The following KIAA1217 variants were observed in gnomAD, a reference collection of about 807,000 sequenced individuals.
KIAA1217 encodes KIAA1217.
A neutral mutation model predicts 163.9 loss-of-function variants in KIAA1217; 88 were observed. The ratio of observed to expected loss-of-function variants is 0.54; its 90% CI spans 0.45 to 0.64. KIAA1217 has a LOEUF of 0.64. Among genes scored for constraint, KIAA1217 ranks in the 30% least tolerant of loss-of-function variants. KIAA1217 has a pLI of 0.00. For synonymous variants in KIAA1217, 903 were observed against 923.1 expected (o/e 0.98, Z 0.39); for missense variants, 2,372 against 2,475.0 (o/e 0.96, Z 0.88).
Position 24,490,961 on chromosome 10 carries a change from G to C in KIAA1217, c.1680-3539G>C, listed in dbSNP as rs1014501897. Reference sequence around the variant, plus strand: ...TACCTGGAGTGCATATAGCCCTTTTGTTCTAAAAGCACCCAGACTCTTATC... The same window carrying C: ...TACCTGGAGTGCATATAGCCCTTTTCTTCTAAAAGCACCCAGACTCTTATC... On this transcript the variant is annotated intron_variant, in intron 6 of 20. Transcript: ENST00000376454. Among the ~76,000 whole-genome samples, 2 of 152,176 alleles carry C rather than the reference G, an allele frequency of 1.3e-5. 1 individual carries two copies. The highest frequency in any genetic ancestry group is 4.1e-4 in the South Asian group (2 of 4,832).
intron 1 of KIAA1217, among the ~76,000 whole-genome samples, chr10:23,804,475 C>A (rs894273383): frequency 1.3e-5 from 2 of 152,302 alleles, no homozygotes; most frequent in Non-Finnish European, 1.5e-5. Flanking sequence ...ACCTAACAAC[C>A]AGAGATTCTG....
intron 1 of KIAA1217, among the ~76,000 whole-genome samples, chr10:23,807,081 C>G (rs895140378): frequency 2.0e-5 from 3 of 152,214 alleles, no homozygotes; most frequent in Non-Finnish European, 4.4e-5. Context: ...GGGAGCTAAG[C>G]TCTGAGGATT....
At chr10:24,308,074 A>G (rs1473526186) in intron 2 of KIAA1217, among the ~76,000 whole-genome samples, 8 of 152,184 alleles carry the variant, frequency 5.3e-5, no homozygotes, top group Admixed American at 5.2e-4. Flanking sequence ...CAATAAACCA[A>G]TTTAACTTAT....
chr10:23,956,165 T>C (rs1844548634), intron 1 of KIAA1217, among the ~76,000 whole-genome samples: 1 of 152,210 alleles, frequency 6.6e-6, no homozygotes, highest in South Asian at 2.1e-4. Context: ...GAACACTCTC[T>C]AATGGCCTTC....
chr10:24,003,525 T>A (rs972419376), intron 1 of KIAA1217, among the ~76,000 whole-genome samples: 7 of 152,194 alleles, frequency 4.6e-5, no homozygotes, highest in African/African-American at 1.7e-4. Flanking sequence ...ATCAACTGTT[T>A]CACATTTGAT....
intron 5 of KIAA1217, among the ~76,000 whole-genome samples, chr10:24,460,291 C>A (rs61855857): frequency 0.075 from 11,460 of 152,154 alleles, 478 homozygotes; most frequent in South Asian, 0.12. Context: ...CAATTCCTAG[C>A]CTTACACGTG....
At chr10:24,500,120 T>C (rs1040224709) in intron 8 of KIAA1217, among the ~76,000 whole-genome samples, 11 of 152,028 alleles carry the variant, frequency 7.2e-5, no homozygotes, top group African/African-American at 2.7e-4. Flanking sequence ...TGGCCAGCAG[T>C]GCTCTGTCCT....
At chr10:23,732,434 C>T (rs966693223) in intron 1 of KIAA1217, among the ~76,000 whole-genome samples, 10 of 151,994 alleles carry the variant, frequency 6.6e-5, no homozygotes, top group African/African-American at 2.4e-4. Context: ...TGTATAACAA[C>T]TCTTTACATA....
In KIAA1217 at chr10:24,473,830, G is replaced by C; in HGVS notation, c.1449G>C (p.Met483Ile). ...ASPHRVSDLR[M>I]IDMHAHYNAH... ...CTCACAGAGTCAGTGACCTGAGGAT[G>C]ATAGACATGCACGCTCACTATAATG... is the stretch of plus-strand genomic sequence containing the variant. Residue 483 changes from methionine to isoleucine, a missense_variant, in exon 6 of 21, where the codon ATG (methionine) becomes ATC (isoleucine). By Grantham distance (10) the Met-to-Ile change is conservative. Coordinates refer to ENST00000376454, the MANE Select transcript of KIAA1217 (RefSeq NM_019590.5). The C allele has an allele frequency of 3.7e-6, 6 of 1,614,138 alleles. No homozygotes were observed. The highest frequency in any genetic ancestry group is 5.1e-6 in the Non-Finnish European group (6 of 1,180,024).
At chr10:24,213,046 C>T (rs1260620225) in intron 1 of KIAA1217, among the ~76,000 whole-genome samples, 1 of 152,148 alleles carries the variant, frequency 6.6e-6, no homozygotes, top group Non-Finnish European at 1.5e-5. Context: ...TTTACTGGGA[C>T]AACAGTTGTA....
intron 1 of KIAA1217, among the ~76,000 whole-genome samples, chr10:23,854,071 G>C (rs993837609): frequency 1.3e-5 from 2 of 151,994 alleles, no homozygotes; most frequent in African/African-American, 4.8e-5. Context: ...GAATGTGTTT[G>C]CTCTTGCTTT....
chr10:24,516,573 G>A (rs1399639490), intron 10 of KIAA1217, among the ~76,000 whole-genome samples: 1 of 152,254 alleles, frequency 6.6e-6, no homozygotes, highest in Non-Finnish European at 1.5e-5. Flanking sequence ...AGAATGATGA[G>A]GAAGACACTG....
intron 1 of KIAA1217, among the ~76,000 whole-genome samples, chr10:23,749,225 G>A (rs1193787528): frequency 6.6e-6 from 1 of 152,048 alleles, no homozygotes; most frequent in Non-Finnish European, 1.5e-5. Flanking sequence ...ATCCACTGTG[G>A]TTTTCTACCT....
rs535560100 is a variant in KIAA1217, at chr10:24,445,616, T to A, written c.846+7137T>A. Among the ~76,000 whole-genome samples the A allele has an allele frequency of 1.2e-4, 17 of 146,898 alleles. 1 individual carries two copies. Among genetic ancestry groups the A allele is most frequent in the African/African-American group, 4.0e-4 (16 of 39,794 alleles). On this transcript the variant is annotated intron_variant, in intron 5 of 20. Coordinates refer to ENST00000376454, the MANE Select transcript of KIAA1217 (RefSeq NM_019590.5). ...TCATTCTTCAATTCCCACCTATAAGTGAGAACATGCGGTCTTTGGTTTTTT... is the reference window on the plus strand; with the variant it reads ...TCATTCTTCAATTCCCACCTATAAGAGAGAACATGCGGTCTTTGGTTTTTT...
chr10:24,296,341 C>T (rs1174233546), intron 2 of KIAA1217, among the ~76,000 whole-genome samples: 1 of 152,140 alleles, frequency 6.6e-6, no homozygotes, highest in East Asian at 1.9e-4. Context: ...CCTGGCCTCT[C>T]AAGCAGTCCT....
At chr10:24,321,718 G>C (rs376307446) in intron 2 of KIAA1217, among the ~76,000 whole-genome samples, 11 of 152,234 alleles carry the variant, frequency 7.2e-5, no homozygotes, top group South Asian at 6.2e-4. Flanking sequence ...TAGGGTAGTC[G>C]AATTCAGAGA....
chr10:23,750,427 G>T (rs1839673338), intron 1 of KIAA1217, among the ~76,000 whole-genome samples: 1 of 152,050 alleles, frequency 6.6e-6, no homozygotes, highest in African/African-American at 2.4e-5. Flanking sequence ...TGTTTCAACT[G>T]CCTAGAAACA....
intron 2 of KIAA1217, among the ~76,000 whole-genome samples, chr10:24,123,788 C>T (rs914850824): frequency 3.3e-5 from 5 of 152,092 alleles, no homozygotes; most frequent in African/African-American, 9.7e-5. Context: ...TATTTGTTTC[C>T]CCATATCTTT....
chr10:24,127,985 C>A (rs1213474603), intron 2 of KIAA1217, among the ~76,000 whole-genome samples: 3 of 152,102 alleles, frequency 2.0e-5, no homozygotes, highest in Non-Finnish European at 4.4e-5. Context: ...TGCAAATATT[C>A]TTCTCATACT....
Sources: allele counts gnomAD v4.1 joint callset (sites outside exome capture counted in the v4.1 genomes callset), GRCh38; gene constraint gnomAD v4.1.1; transcripts MANE v1.5; gene names NCBI Gene and HGNC (gene_info 2026-07-23, HGNC 2026-07-21).